Variants in RASAL2 observed in about 807,000 individuals in gnomAD.
RASAL2 encodes ras GTPase-activating protein nGAP.
RASAL2 carries 58 observed loss-of-function variants against 128.9 expected under a neutral mutation model. The observed-to-expected ratio is 0.45, with a 90% CI of 0.36 to 0.56. RASAL2 has a LOEUF of 0.56. Ranked by LOEUF, RASAL2 falls within the 20% of genes least tolerant of loss-of-function variation. RASAL2 has a pLI of 0.00. For missense variants in RASAL2, 1,360 were observed against 1,601.6 expected (o/e 0.85, Z 2.57); for synonymous variants, 561 against 580.8 (o/e 0.97, Z 0.49).
At chr1:178,454,674 G>A in intron 12 of RASAL2, 26 bp downstream of exon 12, 1 of 1,589,110 alleles carries the variant, frequency 6.3e-7, no homozygotes, top group Non-Finnish European at 8.6e-7. Flanking sequence ...GGAAGATAGA[G>A]AACTTTAATG....
chr1:178,105,727 G>A (rs912829597), intron 1 of RASAL2, among the ~76,000 whole-genome samples: 5 of 150,780 alleles, frequency 3.3e-5, no homozygotes, highest in African/African-American at 1.2e-4. Context: ...CTGTCACTCA[G>A]GCTGGAGTGC....
chr1:178,253,951 A>G (rs1665186711), intron 1 of RASAL2, among the ~76,000 whole-genome samples: 1 of 152,180 alleles, frequency 6.6e-6, no homozygotes, highest in Admixed American at 6.5e-5. Flanking sequence ...AAAGAGACAA[A>G]TCCGATCCTG....
chr1:178,324,909 T>G (rs776168207), intron 3 of RASAL2, among the ~76,000 whole-genome samples: 1 of 152,170 alleles, frequency 6.6e-6, no homozygotes, highest in Non-Finnish European at 1.5e-5. Flanking sequence ...ATGACCCCCT[T>G]GGCACCCACC....
At chr1:178,128,441 C>CA (rs1209188674) in intron 1 of RASAL2, among the ~76,000 whole-genome samples, 1 of 152,074 alleles carries the variant, frequency 6.6e-6, no homozygotes, top group East Asian at 1.9e-4. Flanking sequence ...CTCAGAATCT[C>CA]ACATTGGTGA....
chr1:178,389,178 C>A, intron 3 of RASAL2: 1 of 626,560 alleles, frequency 1.6e-6, no homozygotes, highest in Non-Finnish European at 2.0e-6. Context: ...TGGAAGATAA[C>A]ACAGAATACT....
intron 1 of RASAL2, among the ~76,000 whole-genome samples, chr1:178,110,414 C>A (rs1335929495): frequency 6.6e-6 from 1 of 151,200 alleles, no homozygotes; most frequent in Non-Finnish European, 1.5e-5. Flanking sequence ...ATACTTTAAA[C>A]CATTCCTAGA....
intron 2 of RASAL2, among the ~76,000 whole-genome samples, chr1:178,294,617 G>A (rs1667413932): frequency 1.3e-5 from 2 of 152,308 alleles, no homozygotes; most frequent in Non-Finnish European, 2.9e-5. Context: ...CTATCTGTCT[G>A]TCCATCTATC....
intron 1 of RASAL2, among the ~76,000 whole-genome samples, chr1:178,099,710 C>T (rs947402498): frequency 1.3e-5 from 2 of 152,192 alleles, no homozygotes; most frequent in African/African-American, 4.8e-5. Flanking sequence ...CCTGTAATCC[C>T]AGCACTTTGG....
intron 1 of RASAL2, among the ~76,000 whole-genome samples, chr1:178,201,271 A>T (rs1161086678): frequency 6.6e-6 from 1 of 152,128 alleles, no homozygotes; most frequent in East Asian, 1.9e-4. Flanking sequence ...AGGTTCTAAT[A>T]GTTCATTTGC....
chr1:178,311,967 T>C (rs1212897605), intron 3 of RASAL2, among the ~76,000 whole-genome samples: 1 of 152,018 alleles, frequency 6.6e-6, no homozygotes, highest in African/African-American at 2.4e-5. Flanking sequence ...AACAGAATGT[T>C]TTACAAAGTT....
chr1:178,309,220 A>G, intron 3 of RASAL2, among the ~76,000 whole-genome samples: 1 of 152,178 alleles, frequency 6.6e-6, no homozygotes, highest in East Asian at 1.9e-4. Flanking sequence ...CTCAGTGGAT[A>G]ATGGCAGCCA....
chr1:178,156,514 A>G (rs1367737844), intron 1 of RASAL2, among the ~76,000 whole-genome samples: 1 of 152,190 alleles, frequency 6.6e-6, no homozygotes, highest in Admixed American at 6.5e-5. Flanking sequence ...GGGAAGATGT[A>G]TATTTTCTGT....
intron 1 of RASAL2, among the ~76,000 whole-genome samples, chr1:178,259,050 C>T (rs1314014758): frequency 6.7e-6 from 1 of 149,806 alleles, no homozygotes; most frequent in African/African-American, 2.5e-5. Context: ...AATATAGAGA[C>T]AGGAAGCAGA....
intron 3 of RASAL2, among the ~76,000 whole-genome samples, chr1:178,318,714 T>C (rs1190583132): frequency 1.3e-5 from 2 of 152,148 alleles, no homozygotes; most frequent in African/African-American, 4.8e-5. Context: ...GTTTCCTGAA[T>C]ACAGCACACT....
At chr1:178,104,797 A>G (rs754767780) in intron 1 of RASAL2, among the ~76,000 whole-genome samples, 7 of 151,860 alleles carry the variant, frequency 4.6e-5, no homozygotes, top group Non-Finnish European at 1.0e-4. Context: ...TTTAAATGGT[A>G]CTCCTTTTTA....
chr1:178,133,828 A>G (rs113967765), intron 1 of RASAL2, among the ~76,000 whole-genome samples: 1 of 152,068 alleles, frequency 6.6e-6, no homozygotes. Flanking sequence ...CACCTCATTT[A>G]TTTTCAGCTA....
intron 1 of RASAL2, among the ~76,000 whole-genome samples, chr1:178,276,762 G>A (rs1666535581): frequency 1.3e-5 from 2 of 152,076 alleles, no homozygotes. Context: ...ATTGTCTATA[G>A]AAGATAGCCA....
At chr1:178,388,759 C>T (rs1256141319) in intron 3 of RASAL2, among the ~76,000 whole-genome samples, 1 of 152,124 alleles carries the variant, frequency 6.6e-6, no homozygotes, top group Non-Finnish European at 1.5e-5. Context: ...AAATGGTGTC[C>T]TTTTGGCACT....
At chr1:178,300,234 A>G (rs1017995047) in intron 3 of RASAL2, 116 bp downstream of exon 3, 19 of 1,195,908 alleles carry the variant, frequency 1.6e-5, no homozygotes, top group Admixed American at 2.8e-5. Flanking sequence ...TTTGAAATCA[A>G]TGGCACGTTA....
Sources: gnomAD v4.1 joint callset for allele counts (sites outside exome capture counted in the v4.1 genomes callset) on GRCh38, gnomAD v4.1.1 for gene constraint, MANE v1.5 for transcripts, NCBI Gene and HGNC (gene_info 2026-07-23, HGNC 2026-07-21) for gene names.